SLC22A3: variants seen among roughly 807,000 people sequenced by gnomAD.
SLC22A3 encodes solute carrier family 22 member 3, also known as EMT organic cation transporter 3.
A neutral mutation model predicts 59.1 loss-of-function variants in SLC22A3; 51 were observed. That is an observed-to-expected ratio of 0.86 (90% CI 0.69 to 1.09). The LOEUF is 1.09. Among genes scored for constraint, SLC22A3 ranks in the 50% least tolerant of loss-of-function variants. The probability of loss-of-function intolerance (pLI) is 0.00; values close to 1 mark genes in which losing one functional copy is unlikely to be tolerated. For synonymous variants in SLC22A3, 325 were observed against 292.0 expected (o/e 1.11, Z -1.15); for missense variants, 711 against 726.3 (o/e 0.98, Z 0.24).
rs1788989263 is a variant in SLC22A3 at position 160,452,063 on chromosome 6, G to A, written c.*1007G>A. ...AGATCAATTATATCCATGCTTAACA[G>A]GATCAGCAGGAGCTTTATAAATGAC... On this transcript the variant is annotated 3_prime_UTR_variant, in exon 11 of 11. Coordinates refer to ENST00000275300, the MANE Select transcript of SLC22A3 (RefSeq NM_021977.4). 1 of 152,154 alleles carries A rather than the reference G, an allele frequency of 6.6e-6. No homozygotes were observed. The highest frequency in any genetic ancestry group is 1.5e-5 in the Non-Finnish European group (1 of 68,018). The allele number at this position is 152,154 out of a possible 1,614,324, so 9.4% of individuals were successfully genotyped here. A position where few individuals can be genotyped will look rare whatever the true frequency, so the allele number is the denominator to read the frequency against.
At chr6:160,426,659 A>G (rs935140364) in intron 5 of SLC22A3, among the ~76,000 whole-genome samples, 5 of 152,110 alleles carry the variant, frequency 3.3e-5, no homozygotes, top group African/African-American at 1.2e-4. Flanking sequence ...GTGTGAGTGC[A>G]TTGCTTCCAA....
Position 160,437,105 on chromosome 6 carries a change from T to A in SLC22A3, c.1182T>A (p.Ala394=). ...FISGVVELPG[A]LLILLTIERL... The stretch of plus-strand genomic sequence containing the variant: ...CGGGCGTGGTGGAACTGCCAGGAGC[T>A]CTCTTGATCTTACTAACCATTGAGC... The change falls in exon 7 of 11, where the codon GCT becomes GCA. Residue 394 remains alanine, a synonymous_variant. Coordinates refer to ENST00000275300, the MANE Select transcript of SLC22A3 (RefSeq NM_021977.4). The A allele has an allele frequency of 6.2e-7, 1 of 1,614,160 alleles. No homozygotes were observed. Among genetic ancestry groups the A allele is most frequent in the Non-Finnish European group, 8.5e-7 (1 of 1,180,016 alleles).
chr6:160,364,970 T>A (rs1028593385), intron 1 of SLC22A3, among the ~76,000 whole-genome samples: 3 of 152,086 alleles, frequency 2.0e-5, no homozygotes, highest in Non-Finnish European at 4.4e-5. Flanking sequence ...TATATCAATA[T>A]AATGATTTTT....
At chr6:160,358,512 G>A (rs957227404) in intron 1 of SLC22A3, among the ~76,000 whole-genome samples, 1 of 152,196 alleles carries the variant, frequency 6.6e-6, no homozygotes, top group African/African-American at 2.4e-5. Flanking sequence ...CCACTCTCTG[G>A]AGCTGGTATA....
intron 1 of SLC22A3, among the ~76,000 whole-genome samples, chr6:160,384,496 A>C (rs1215887138): frequency 6.6e-6 from 1 of 152,178 alleles, no homozygotes; most frequent in Non-Finnish European, 1.5e-5. Context: ...GGAAGGCGGG[A>C]GACAGGAGCA....
chr6:160,430,820 G>T (rs1386013349), intron 5 of SLC22A3, among the ~76,000 whole-genome samples: 1 of 152,140 alleles, frequency 6.6e-6, no homozygotes, highest in East Asian at 1.9e-4. Context: ...CAGCATAAAA[G>T]GTATGACAAA....
rs763778534 is a variant in SLC22A3, at chr6:160,415,265, A to G, written c.975+4419A>G. On this transcript the variant is annotated intron_variant, in intron 5 of 10. Coordinates refer to ENST00000275300, the MANE Select transcript of SLC22A3 (RefSeq NM_021977.4). The surrounding 1 kb of genome is among the most constrained non-coding windows in gnomAD (Gnocchi z 4.1). ...TCTCAAAGGTCCTTATGTCCCCACAAGCACCATCCTGAGCAGAAAACCTCT... is the reference window on the plus strand; with the variant it reads ...TCTCAAAGGTCCTTATGTCCCCACAGGCACCATCCTGAGCAGAAAACCTCT... Among the ~76,000 whole-genome samples the G allele has an allele frequency of 6.6e-5, 10 of 152,186 alleles. No individual in the cohort carries two copies. The highest frequency in any genetic ancestry group is 1.5e-4 in the Non-Finnish European group (10 of 68,022).
chr6:160,353,801 G>A (rs1021737758), intron 1 of SLC22A3, among the ~76,000 whole-genome samples: 2 of 152,020 alleles, frequency 1.3e-5, no homozygotes, highest in African/African-American at 2.4e-5. Flanking sequence ...ACCACACAGA[G>A]AGACAAGCTG....
intron 1 of SLC22A3, among the ~76,000 whole-genome samples, chr6:160,352,087 C>A (rs1013183941): frequency 1.3e-5 from 2 of 152,242 alleles, no homozygotes; most frequent in African/African-American, 2.4e-5. Context: ...GTCAGCCAGA[C>A]TGGCAGATGG....
At chr6:160,350,671 G>A (rs1239914769) in intron 1 of SLC22A3, among the ~76,000 whole-genome samples, 1 of 152,218 alleles carries the variant, frequency 6.6e-6, no homozygotes, top group Non-Finnish European at 1.5e-5. Flanking sequence ...GTTTGCATGA[G>A]TGAGTATGAT....
At chr6:160,436,959 TCTTA>T (rs770872659) in intron 6 of SLC22A3, 34 bp from the exon 7 acceptor site, 14 of 1,613,034 alleles carry the variant, frequency 8.7e-6, no homozygotes, top group Non-Finnish European at 1.1e-5. Context: ...TGAAGTTATC[TCTTA>T]CTTGTTCTCT....
intron 5 of SLC22A3, among the ~76,000 whole-genome samples, chr6:160,420,630 C>T (rs1028029410): frequency 9.2e-5 from 14 of 152,300 alleles, no homozygotes; most frequent in African/African-American, 3.4e-4. Context: ...GCCAACTGTC[C>T]TTGTTTGCCC....
chr6:160,406,786 C>T (rs1353876527), intron 2 of SLC22A3, among the ~76,000 whole-genome samples: 1 of 152,148 alleles, frequency 6.6e-6, no homozygotes, highest in African/African-American at 2.4e-5. Flanking sequence ...CGGGGAGACT[C>T]TGTGTGAAAC....
intron 1 of SLC22A3, among the ~76,000 whole-genome samples, chr6:160,397,757 G>A (rs1786554651): frequency 6.7e-6 from 1 of 150,280 alleles, no homozygotes; most frequent in Non-Finnish European, 1.5e-5. Context: ...AAAGAACGAT[G>A]TTATAACAAC....
chr6:160,401,326 T>C (rs1786772787), intron 2 of SLC22A3, among the ~76,000 whole-genome samples: 1 of 151,934 alleles, frequency 6.6e-6, no homozygotes, highest in African/African-American at 2.4e-5. Context: ...AATGTCTTAC[T>C]ATAGTAAAAG....
chr6:160,363,481 G>A (rs974835919), intron 1 of SLC22A3, among the ~76,000 whole-genome samples: 2 of 151,970 alleles, frequency 1.3e-5, no homozygotes, highest in Admixed American at 1.3e-4. Flanking sequence ...CTCAGGCTCC[G>A]GTTGTCACCC....
At chr6:160,409,856 GC>G (rs1354641823) in intron 4 of SLC22A3, among the ~76,000 whole-genome samples, 3 of 152,060 alleles carry the variant, frequency 2.0e-5, no homozygotes, top group Non-Finnish European at 2.9e-5. Context: ...AACCATATCT[GC>G]CAGTATTTCA....
rs143787000 is a variant in SLC22A3, at chr6:160,380,698, C to T, written c.430-17281C>T. ...AATTTTCAAAAAATTAAGTTATGTGCAATAATCTTTTTAAAATTATTTGTT... is the reference window on the plus strand; with the variant it reads ...AATTTTCAAAAAATTAAGTTATGTGTAATAATCTTTTTAAAATTATTTGTT... On this transcript the variant is annotated intron_variant, in intron 1 of 10. Transcript: ENST00000275300. Among the ~76,000 whole-genome samples the T allele has an allele frequency of 1.9e-4, 29 of 152,194 alleles. No individual in the cohort carries two copies. The East Asian group carries it at 5.2e-3, about 27-fold the overall frequency.
In SLC22A3 at chr6:160,396,925, G is replaced by A. The variant is rs1346840424; in HGVS notation, c.430-1054G>A. ...AAAACCTATAAAATATTTTCTACAC[G>A]AAATACATTACATTAGAATAAAAGT... On this transcript the variant is annotated intron_variant, in intron 1 of 10. Transcript: ENST00000275300. Among the ~76,000 whole-genome samples, 5 of 151,868 alleles carry A rather than the reference G, an allele frequency of 3.3e-5. No individual in the cohort carries two copies. In the East Asian group the frequency reaches 5.8e-4, roughly 18 times the overall value.
Sources: gnomAD v4.1 joint callset for allele counts (sites outside exome capture counted in the v4.1 genomes callset) on GRCh38, gnomAD v4.1.1 for gene constraint, Gnocchi (gnomAD v3.1) non-coding constraint, MANE v1.5 for transcripts, NCBI Gene and HGNC (gene_info 2026-07-23, HGNC 2026-07-21) for gene names.